Variants in MTHFD1L observed in about 807,000 individuals in gnomAD.
The protein encoded by MTHFD1L is methylenetetrahydrofolate dehydrogenase (NADP+ dependent) 1 like.
MTHFD1L carries 81 observed loss-of-function variants against 119.5 expected under a neutral mutation model. The ratio of observed to expected loss-of-function variants is 0.68; its 90% confidence interval spans 0.57 to 0.82. The LOEUF is 0.82. MTHFD1L is among the 40% of genes least tolerant of loss of function. MTHFD1L has a pLI of 0.00. For synonymous variants in MTHFD1L, 430 were observed against 475.2 expected, an observed-to-expected ratio of 0.90 and a Z score of 1.24; for missense variants, 1,125 against 1,253.4, an observed-to-expected ratio of 0.90 and a Z score of 1.55.
chr6:150,872,087 A>G (rs1348752964), intron 1 of MTHFD1L, among the ~76,000 whole-genome samples: 1 of 151,390 alleles, frequency 6.6e-6, no homozygotes, highest in Non-Finnish European at 1.5e-5. Context: ...TATGTTGGCC[A>G]GGCTGGTCTC....
chr6:150,923,810 G>A (rs940302747), intron 10 of MTHFD1L, among the ~76,000 whole-genome samples: 8 of 151,762 alleles, frequency 5.3e-5, no homozygotes, highest in South Asian at 2.1e-4. Context: ...TGCAATAGAC[G>A]AAACATCTCA....
At chr6:151,076,118 C>A (rs1359752674) in intron 26 of MTHFD1L, among the ~76,000 whole-genome samples, 1 of 152,206 alleles carries the variant, frequency 6.6e-6, no homozygotes, top group Non-Finnish European at 1.5e-5. Context: ...TGCCTGTAAT[C>A]CCAACACTTT....
chr6:150,892,971 G>A (rs1298819715), intron 7 of MTHFD1L, among the ~76,000 whole-genome samples: 1 of 152,136 alleles, frequency 6.6e-6, no homozygotes, highest in Non-Finnish European at 1.5e-5. Flanking sequence ...ATGGGTTAGT[G>A]TCCTGGGGCA....
rs1341913015 is a variant in MTHFD1L, at chr6:150,926,978, T to G, written c.1256+683T>G. Among the ~76,000 whole-genome samples, 1 of 152,216 alleles carries G rather than the reference T, an allele frequency of 6.6e-6. No individual in the cohort carries two copies. ...CCTGAGGGAACATCATGAGACCATA[T>G]AAATTCCTTTGCTGCCTTGAAATTT... On this transcript the variant is annotated intron_variant, in intron 11 of 27. Coordinates refer to ENST00000367321, the MANE Select transcript of MTHFD1L (RefSeq NM_015440.5). This position sits in a 1 kb window ranked among gnomAD's most constrained non-coding sequence, Gnocchi z 4.3.
chr6:150,871,581 AACCTC>A (rs1779519101), intron 1 of MTHFD1L, among the ~76,000 whole-genome samples: 1 of 138,340 alleles, frequency 7.2e-6, no homozygotes, highest in Non-Finnish European at 1.5e-5. Context: ...GGCTCGCTGG[AACCTC>A]CGCCTCTCAG....
At position 151,025,330 on chromosome 6, in the gene MTHFD1L, G is replaced by T. The variant is rs9478914; in HGVS notation, c.2587-9163G>T. Among the ~76,000 whole-genome samples the T allele has an allele frequency of 7.6e-3, 1,156 of 152,284 alleles. 17 individuals carry two copies. The highest frequency in any genetic ancestry group is 0.026 in the African/African-American group (1,093 of 41,536). ...ACATGCTTTGTGTCAACGATACAGG[G>T]GCCTGTTGTTCTCAGTAACAAGGGC... On this transcript the variant is annotated intron_variant, in intron 24 of 27. Transcript: ENST00000367321.
intron 13 of MTHFD1L, among the ~76,000 whole-genome samples, chr6:150,942,817 A>C (rs1479184416): frequency 6.6e-6 from 1 of 152,140 alleles, no homozygotes; most frequent in Non-Finnish European, 1.5e-5. Context: ...ACAAGAAAAT[A>C]TTTAACCTTC....
At chr6:150,976,685 T>A (rs888745996) in intron 20 of MTHFD1L, among the ~76,000 whole-genome samples, 6 of 152,134 alleles carry the variant, frequency 3.9e-5, no homozygotes, top group African/African-American at 1.2e-4. Flanking sequence ...GTAAACTGTA[T>A]GTGATAAAAG....
chr6:150,980,638 G>T (rs2129038096), intron 20 of MTHFD1L, among the ~76,000 whole-genome samples: 1 of 150,424 alleles, frequency 6.6e-6, no homozygotes, highest in Non-Finnish European at 1.5e-5. Flanking sequence ...AGCTACTTGG[G>T]AGTCTGAGGC....
rs773979807 is a variant in MTHFD1L at position 151,034,532 on chromosome 6, G to A, written c.2626G>A (p.Val876Ile). Residue 876 changes from valine (V) to isoleucine (I), a missense_variant, in exon 25 of 28, where the codon GTC (valine) becomes ATC (isoleucine). Physicochemically the swap from Val to Ile is conservative, Grantham distance 29. Coordinates refer to ENST00000367321, the MANE Select transcript of MTHFD1L (RefSeq NM_015440.5). ...CAAGATAAGGACCATTGCTCAGGCT[G>A]TCTATGGAGCCAAAGATATTGAACT... is the stretch of plus-strand genomic sequence containing the variant. ...VDKIRTIAQA[V>I]YGAKDIELSP... 4 of 1,611,872 alleles carry A rather than the reference G, an allele frequency of 2.5e-6. No homozygotes were observed.
intron 18 of MTHFD1L, among the ~76,000 whole-genome samples, chr6:150,963,371 A>G (rs1796735437): frequency 6.6e-6 from 1 of 152,220 alleles, no homozygotes; most frequent in Non-Finnish European, 1.5e-5. Flanking sequence ...GTGGTTATAA[A>G]GTATTCTCAC....
In MTHFD1L at chr6:150,949,440, G is replaced by GA. The variant is rs542190597; in HGVS notation, c.1726+318dup. Among the ~76,000 whole-genome samples, 85 of 142,824 alleles carry GA rather than the reference G, an allele frequency of 6.0e-4. 1 individual carries two copies. Among genetic ancestry groups the GA allele is most frequent in the South Asian group, 3.6e-3 (16 of 4,476 alleles). 93.7% of individuals were successfully genotyped at this position (142,824 alleles called of 152,430 possible). On this transcript the variant is annotated intron_variant, in intron 16 of 27. Coordinates refer to ENST00000367321, the MANE Select transcript of MTHFD1L (RefSeq NM_015440.5). ...CTTTGGCCTCTTGTATCTATATTAA[G>GA]AAAAAAAAAAAGAAACTTTTTTTAA... is the stretch of plus-strand genomic sequence containing the variant.
rs149738041 is a variant in MTHFD1L at position 151,080,071 on chromosome 6, G to A, written c.2848-12396G>A. On this transcript the variant is annotated intron_variant, in intron 26 of 27. Transcript: ENST00000367321. ...GCACATCCATAAATCCCAGCCACTCGGGAGGCTGAGGCAGGAGAATTGCTT... is the reference window on the plus strand; with the variant it reads ...GCACATCCATAAATCCCAGCCACTCAGGAGGCTGAGGCAGGAGAATTGCTT... Among the ~76,000 whole-genome samples the A allele has an allele frequency of 9.9e-3, 1,502 of 151,884 alleles. 23 individuals are homozygous for A. Among genetic ancestry groups the A allele is most frequent in the African/African-American group, 0.035 (1,432 of 41,460 alleles).
chr6:151,092,400 G>A (rs1794529619), intron 26 of MTHFD1L, 67 bp from the exon 27 acceptor site: 2 of 1,193,570 alleles, frequency 1.7e-6, no homozygotes, highest in Admixed American at 1.9e-5. Context: ...GAGTTAATTT[G>A]CATCATCAGA....
intron 15 of MTHFD1L, among the ~76,000 whole-genome samples, chr6:150,948,029 C>T (rs138468765): frequency 0.034 from 5,163 of 150,330 alleles, 124 homozygotes; most frequent in South Asian, 0.059. Flanking sequence ...TTTTTTGAGA[C>T]GGAGTTTCAC....
intron 13 of MTHFD1L, chr6:150,939,430 C>T (rs939515730): frequency 5.9e-5 from 9 of 152,422 alleles, no homozygotes; most frequent in African/African-American, 2.2e-4. Flanking sequence ...TTCCACATAA[C>T]CTCTTTGTTG....
intron 15 of MTHFD1L, among the ~76,000 whole-genome samples, chr6:150,946,951 T>C (rs1794055571): frequency 6.6e-6 from 1 of 151,034 alleles, no homozygotes; most frequent in African/African-American, 2.4e-5. Flanking sequence ...GGCAGGCGCC[T>C]GTAGTCCCAG....
chr6:150,884,433 C>A lies in MTHFD1L; in HGVS notation c.543-1201C>A, dbSNP rs550835887. Among the ~76,000 whole-genome samples, 6 of 152,210 alleles carry A rather than the reference C, an allele frequency of 3.9e-5. No homozygotes were observed. In the East Asian group the frequency reaches 1.2e-3, roughly 30 times the overall value. ...GGGATTACAGGAGTGAGCCACCGCG[C>A]CTGGCCCCTTGTCTCTATTTTTAAG... On this transcript the variant is annotated intron_variant, in intron 5 of 27. Transcript: ENST00000367321.
chr6:150,982,070 G>A (rs1422566768), intron 20 of MTHFD1L, among the ~76,000 whole-genome samples: 1 of 152,032 alleles, frequency 6.6e-6, no homozygotes, highest in Non-Finnish European at 1.5e-5. Flanking sequence ...AGCTACTATG[G>A]ACAACATGGT....
Sources: allele counts gnomAD v4.1 joint callset (sites outside exome capture counted in the v4.1 genomes callset), GRCh38; gene constraint gnomAD v4.1.1; non-coding constraint Gnocchi (gnomAD v3.1); transcripts MANE v1.5; gene names NCBI Gene and HGNC (gene_info 2026-07-23, HGNC 2026-07-21).